RIPOR3: variants seen among roughly 807,000 people sequenced by gnomAD.
RIPOR3 encodes RIPOR family member 3.
Under a neutral mutation model 114.3 loss-of-function variants are expected in RIPOR3, and 95 were observed. The ratio of observed to expected loss-of-function variants is 0.83; its 90% CI spans 0.70 to 0.99. The LOEUF (loss-of-function observed/expected upper bound fraction) is 0.99, where lower values mean the gene tolerates loss of function less well. Ranked by LOEUF, RIPOR3 falls within the 50% of genes least tolerant of loss-of-function variation. The pLI, the probability that RIPOR3 is intolerant of heterozygous loss-of-function variation, is 0.00. For missense variants in RIPOR3, 1,252 were observed against 1,266.9 expected (o/e 0.99, Z 0.18); for synonymous variants, 575 against 543.8 (o/e 1.06, Z -0.80).
chr20:50,637,807 G>A (rs950842625), intron 1 of RIPOR3, among the ~76,000 whole-genome samples: 2 of 152,078 alleles, frequency 1.3e-5, no homozygotes, highest in African/African-American at 4.8e-5. Context: ...CCCAGGAAGC[G>A]GAGGTTGCAG....
intron 20 of RIPOR3, among the ~76,000 whole-genome samples, chr20:50,588,344 G>A (rs1208865844): frequency 1.3e-5 from 2 of 152,240 alleles, no homozygotes; most frequent in East Asian, 1.9e-4. Flanking sequence ...CCTGGCCCTC[G>A]CTGGTTTTCT....
chr20:50,602,579 G>A lies in RIPOR3; in HGVS notation c.1152C>T (p.Leu384=), dbSNP rs748404052. Residue 384 remains leucine (L), a synonymous_variant, in exon 13 of 22, where the codon CTC becomes CTT. Transcript: ENST00000327979. This position sits in a 1 kb window ranked among gnomAD's most constrained non-coding sequence, Gnocchi z 4.3. ...GGAGGTCGCTGTCAGACAGGTAGCT[G>A]AGGATGGAGGTGGCCCTTGGGCCAC... ...LLGGPRATSI[L]SYLSDSDLRG... is the part of the protein sequence containing the mutation. The A allele has an allele frequency of 3.3e-6, 5 of 1,525,686 alleles. No individual in the cohort carries two copies. The highest frequency in any genetic ancestry group is 4.4e-6 in the Non-Finnish European group (5 of 1,138,928). The allele number at this position is 1,525,686 out of a possible 1,614,324, so 94.5% of individuals were successfully genotyped here.
intron 1 of RIPOR3, among the ~76,000 whole-genome samples, chr20:50,680,829 G>A (rs1461635866): frequency 6.6e-6 from 1 of 152,204 alleles, no homozygotes; most frequent in Non-Finnish European, 1.5e-5. Flanking sequence ...GCAGGTACAA[G>A]TGTGAGTGGC....
At chr20:50,595,747 A>G (rs1440836225) in intron 15 of RIPOR3, among the ~76,000 whole-genome samples, 4 of 152,232 alleles carry the variant, frequency 2.6e-5, no homozygotes, top group African/African-American at 9.6e-5. Flanking sequence ...GCCAACCCAC[A>G]TTGCAAAGCA....
rs866827894 is a variant in RIPOR3, at chr20:50,663,929, T to C, written c.3+27197A>G. ...TATTACTTTCTCTCTCTCTCTCTTT[T>C]TTTTTTTTTTTTTTGAGATGGAGTT... On this transcript the variant is annotated intron_variant, in intron 1 of 21. Coordinates refer to ENST00000327979, the MANE Select transcript of RIPOR3 (RefSeq NM_001290268.2). Among the ~76,000 whole-genome samples the C allele has an allele frequency of 4.4e-4, 65 of 148,276 alleles. No homozygotes were observed. The Middle Eastern group carries it at 0.014, about 32-fold the overall frequency.
chr20:50,637,640 T>C (rs2085036311), intron 1 of RIPOR3, among the ~76,000 whole-genome samples: 1 of 152,134 alleles, frequency 6.6e-6, no homozygotes, highest in Non-Finnish European at 1.5e-5. Context: ...TTTGGGAGGC[T>C]GAGTCTGGTG....
chr20:50,650,003 C>T (rs900268016), intron 1 of RIPOR3, among the ~76,000 whole-genome samples: 2 of 152,148 alleles, frequency 1.3e-5, no homozygotes, highest in African/African-American at 4.8e-5. Context: ...CTGTGTGTAA[C>T]AGAGAACCAT....
At chr20:50,596,065 TTCAA>T (rs1455880814) in intron 15 of RIPOR3, 71 bp downstream of exon 15, 1 of 1,594,310 alleles carries the variant, frequency 6.3e-7, no homozygotes, top group East Asian at 2.2e-5. Flanking sequence ...TCCCACCACC[TTCAA>T]GATGAGCCTT....
At chr20:50,637,728 A>G (rs1297769299) in intron 1 of RIPOR3, among the ~76,000 whole-genome samples, 1 of 152,104 alleles carries the variant, frequency 6.6e-6, no homozygotes, top group Non-Finnish European at 1.5e-5. Context: ...TACAAAAATT[A>G]GCCAGGCGTA....
chr20:50,652,842 A>G (rs1202522228), intron 1 of RIPOR3, among the ~76,000 whole-genome samples: 1 of 152,194 alleles, frequency 6.6e-6, no homozygotes, highest in African/African-American at 2.4e-5. Context: ...GCTACTGGTG[A>G]CATGTAAGAG....
At position 50,594,547 on chromosome 20, in the gene RIPOR3, A is replaced by G. The variant is rs767586694; in HGVS notation, c.2212+6T>C. 1.9e-6 allele frequency: 3 copies of G among 1,612,854 alleles called. No individual in the cohort carries two copies. The highest frequency in any genetic ancestry group is 2.5e-6 in the Non-Finnish European group (3 of 1,179,166). ...GGAGGGGACGACAGGACAGAAGGGA[A>G]CCCACCTATTTCCAGCTGTCCTGGG... On this transcript the variant is annotated splice_donor_region_variant and intron_variant, in intron 17 of 21. Coordinates refer to ENST00000327979, the MANE Select transcript of RIPOR3 (RefSeq NM_001290268.2).
At chr20:50,626,799 A>C (rs941928585) in intron 2 of RIPOR3, among the ~76,000 whole-genome samples, 1 of 152,172 alleles carries the variant, frequency 6.6e-6, no homozygotes, top group Non-Finnish European at 1.5e-5. Context: ...AGGTGGGTGG[A>C]TCACCTGAAG....
intron 13 of RIPOR3, among the ~76,000 whole-genome samples, chr20:50,598,266 A>G (rs1291867739): frequency 1.3e-5 from 2 of 151,970 alleles, no homozygotes; most frequent in South Asian, 2.1e-4. Flanking sequence ...TCTCTCCCCA[A>G]CAGATTAAGG....
chr20:50,619,885 C>T, intron 3 of RIPOR3, 101 bp downstream of exon 3: 1 of 1,436,962 alleles, frequency 7.0e-7, no homozygotes, highest in South Asian at 1.4e-5. Context: ...AACCTGTCAC[C>T]TCTTGTAGAC....
intron 1 of RIPOR3, among the ~76,000 whole-genome samples, chr20:50,675,772 C>A (rs2086659072): frequency 6.6e-6 from 1 of 152,222 alleles, no homozygotes; most frequent in Non-Finnish European, 1.5e-5. Context: ...CTCTCGGCCC[C>A]CGGGCTGTGG....
chr20:50,623,284 A>G (rs1315864542), intron 2 of RIPOR3, among the ~76,000 whole-genome samples: 11 of 151,840 alleles, frequency 7.2e-5, no homozygotes, highest in Non-Finnish European at 8.8e-5. Flanking sequence ...AAAAAAGAAA[A>G]AAAAGAAAAT....
At chr20:50,612,479 T>C (rs988196713) in intron 4 of RIPOR3, among the ~76,000 whole-genome samples, 6 of 152,266 alleles carry the variant, frequency 3.9e-5, no homozygotes, top group African/African-American at 1.2e-4. Context: ...TTAGAGTCAC[T>C]ATGTCTGAGT....
At chr20:50,652,478 C>T (rs1193582583) in intron 1 of RIPOR3, among the ~76,000 whole-genome samples, 1 of 151,074 alleles carries the variant, frequency 6.6e-6, no homozygotes, top group South Asian at 2.1e-4. Context: ...GTAATCCCAG[C>T]TACTTGGGAG....
chr20:50,623,680 T>C (rs1160843444), intron 2 of RIPOR3, among the ~76,000 whole-genome samples: 2 of 115,846 alleles, frequency 1.7e-5, no homozygotes, highest in East Asian at 2.2e-4. Flanking sequence ...CCAGGGCTAG[T>C]GGGCTGCTGA....
Sources: gnomAD v4.1 joint callset for allele counts (sites outside exome capture counted in the v4.1 genomes callset) on GRCh38, gnomAD v4.1.1 for gene constraint, Gnocchi (gnomAD v3.1) non-coding constraint, MANE v1.5 for transcripts, NCBI Gene and HGNC (gene_info 2026-07-23, HGNC 2026-07-21) for gene names.